Variants in FARS2 observed in about 807,000 individuals in gnomAD.
The protein encoded by FARS2 is phenylalanyl-tRNA synthetase 2, mitochondrial, also known as phenylalanine--tRNA ligase, mitochondrial.
Under a neutral mutation model 46.4 loss-of-function variants are expected in FARS2, and 40 were observed. The ratio of observed to expected loss-of-function variants is 0.86; its 90% CI spans 0.67 to 1.12. FARS2 has a LOEUF of 1.12. Ranked by LOEUF, FARS2 falls within the 50% of genes most tolerant of loss-of-function variation. The pLI is 0.00. For missense variants in FARS2, 513 were observed against 567.9 expected, an observed-to-expected ratio of 0.90 and a Z score of 0.98; for synonymous variants, 234 against 214.9, an observed-to-expected ratio of 1.09 and a Z score of -0.78.
At chr6:5,409,740 C>T (rs537968424) in intron 3 of FARS2, among the ~76,000 whole-genome samples, 2 of 152,192 alleles carry the variant, frequency 1.3e-5, no homozygotes, top group Admixed American at 6.5e-5. Context: ...TTTTCTTTTT[C>T]TTCTTTCCTT....
At chr6:5,612,475 G>GAT (rs140292880) in intron 5 of FARS2, among the ~76,000 whole-genome samples, 4,767 of 151,924 alleles carry the variant, frequency 0.031, 252 homozygotes, top group African/African-American at 0.11. Flanking sequence ...GTTTAGTTGT[G>GAT]ATATATATAT....
upstream of FARS2, chr6:5,260,703 A>C (rs2224391): frequency 0.28 from 430,187 of 1,553,322 alleles, 71,365 homozygotes; most frequent in African/African-American, 0.79. Flanking sequence ...CGGTACAGAG[A>C]TAACACTTGT....
chr6:5,740,141 G>A (rs933500067), intron 6 of FARS2, among the ~76,000 whole-genome samples: 1 of 152,166 alleles, frequency 6.6e-6, no homozygotes, highest in Non-Finnish European at 1.5e-5. Flanking sequence ...TGTCTGCTGT[G>A]TGCTGGTAGG....
chr6:5,551,286 C>A (rs564379544), intron 5 of FARS2, among the ~76,000 whole-genome samples: 1 of 152,136 alleles, frequency 6.6e-6, no homozygotes, highest in Non-Finnish European at 1.5e-5. Context: ...CATTTCCTTG[C>A]GAGCCCTCAC....
intron 1 of FARS2, among the ~76,000 whole-genome samples, chr6:5,309,090 A>G (rs1402392558): frequency 1.3e-5 from 2 of 152,166 alleles, no homozygotes; most frequent in African/African-American, 4.8e-5. Context: ...GCCCACAAAC[A>G]TTGAGTTTAT....
At chr6:5,364,206 C>T (rs1476819583) in intron 1 of FARS2, among the ~76,000 whole-genome samples, 1 of 152,142 alleles carries the variant, frequency 6.6e-6, no homozygotes, top group Non-Finnish European at 1.5e-5. Context: ...AGTTAATTAG[C>T]TGATGAACAT....
intron 2 of FARS2, among the ~76,000 whole-genome samples, chr6:5,380,810 A>G (rs1005541161): frequency 1.3e-5 from 2 of 152,092 alleles, no homozygotes; most frequent in Non-Finnish European, 2.9e-5. Flanking sequence ...GTCTCTGCAA[A>G]ATTGTAAACT....
At chr6:5,481,074 G>C (rs1241370145) in intron 4 of FARS2, among the ~76,000 whole-genome samples, 1 of 152,208 alleles carries the variant, frequency 6.6e-6, no homozygotes, top group Admixed American at 6.5e-5. Flanking sequence ...GCAGGAAAAG[G>C]CAGTGAGTCC....
intron 6 of FARS2, among the ~76,000 whole-genome samples, chr6:5,654,945 ATTTTC>A (rs769688951): frequency 6.0e-4 from 91 of 152,102 alleles, no homozygotes; most frequent in Non-Finnish European, 1.1e-3. Context: ...GTATTTTCTT[ATTTTC>A]TTAGTAACAT....
intron 4 of FARS2, among the ~76,000 whole-genome samples, chr6:5,472,145 C>T (rs1413378974): frequency 1.3e-5 from 2 of 152,146 alleles, no homozygotes; most frequent in African/African-American, 4.8e-5. Context: ...ATATTAATGA[C>T]GACGCATGAC....
At chr6:5,562,985 T>C (rs1177192374) in intron 5 of FARS2, among the ~76,000 whole-genome samples, 1 of 151,654 alleles carries the variant, frequency 6.6e-6, no homozygotes, top group Non-Finnish European at 1.5e-5. Context: ...TGTTTTTTTG[T>C]TTTTCTTTTT....
intron 1 of FARS2, among the ~76,000 whole-genome samples, chr6:5,341,223 A>C (rs1341838974): frequency 0.028 from 150 of 5,294 alleles, 11 homozygotes; most frequent in African/African-American, 0.098. Flanking sequence ...ATATATATAT[A>C]TATATATATA....
Position 5,771,409 on chromosome 6 carries a change from G to A in FARS2, c.1336G>A (p.Gly446Ser). ...GCAGGAGGCTGCAGTCCAGCTGTTG[G>A]GTGTGGAGGGCAGGTTCTGATGTCA... Reference protein sequence around the residue: ...ALQEAAVQLLGVEGRF With the variant: ...ALQEAAVQLLSVEGRF The change falls in exon 7 of 7, where the codon GGT becomes AGT. Residue 446 changes from glycine (G) to serine (S), a missense_variant. Transcript: ENST00000274680. The A allele has an allele frequency of 6.2e-7, 1 of 1,614,098 alleles. No homozygotes were observed. Among genetic ancestry groups the A allele is most frequent in the Admixed American group, 1.7e-5 (1 of 60,002 alleles).
chr6:5,523,406 C>T (rs12527880), intron 4 of FARS2, among the ~76,000 whole-genome samples: 21,549 of 150,596 alleles, frequency 0.14, 1,630 homozygotes, highest in East Asian at 0.21. Context: ...GACCAGTATA[C>T]ATATGCTATC....
At chr6:5,493,984 C>T (rs1767290985) in intron 4 of FARS2, among the ~76,000 whole-genome samples, 1 of 152,168 alleles carries the variant, frequency 6.6e-6, no homozygotes, top group African/African-American at 2.4e-5. Context: ...GATACAATGA[C>T]AGTGAGTGCC....
intron 4 of FARS2, among the ~76,000 whole-genome samples, chr6:5,440,826 A>T (rs1763800734): frequency 1.3e-5 from 2 of 151,870 alleles, no homozygotes; most frequent in African/African-American, 4.8e-5. Context: ...TATCCAGTTT[A>T]TACTGGTGGT....
chr6:5,409,349 GC>G (rs1761800053), intron 3 of FARS2, among the ~76,000 whole-genome samples: 1 of 152,112 alleles, frequency 6.6e-6, no homozygotes, highest in African/African-American at 2.4e-5. Flanking sequence ...TACTCAGGAG[GC>G]TGAGGCAGGA....
intron 5 of FARS2, among the ~76,000 whole-genome samples, chr6:5,602,804 C>G (rs1429586489): frequency 6.6e-6 from 1 of 152,138 alleles, no homozygotes; most frequent in Non-Finnish European, 1.5e-5. Context: ...TTTTACCCCT[C>G]CCCTCCTCAG....
intron 1 of FARS2, among the ~76,000 whole-genome samples, chr6:5,323,813 C>T (rs1051792662): frequency 2.0e-5 from 3 of 152,150 alleles, no homozygotes; most frequent in Admixed American, 6.5e-5. Flanking sequence ...GATCAGAAAC[C>T]GCCTAAATCC....
Sources: gnomAD v4.1 joint callset for allele counts (sites outside exome capture counted in the v4.1 genomes callset) on GRCh38, gnomAD v4.1.1 for gene constraint, MANE v1.5 for transcripts, NCBI Gene and HGNC (gene_info 2026-07-23, HGNC 2026-07-21) for gene names.